Variants in DLG2 observed in about 807,000 individuals in gnomAD.
DLG2 encodes the protein disks large homolog 2.
A neutral mutation model predicts 132.5 loss-of-function variants in DLG2; 45 were observed. The observed-to-expected ratio is 0.34, with a 90% CI of 0.27 to 0.44. DLG2 has a LOEUF of 0.44. Ranked by LOEUF, DLG2 falls within the 20% of genes least tolerant of loss-of-function variation. The probability of loss-of-function intolerance (pLI) is 1.00; values close to 1 mark genes in which losing one functional copy is unlikely to be tolerated. For missense variants in DLG2, 1,045 were observed against 1,196.9 expected, an observed-to-expected ratio of 0.87 and a Z score of 1.87; for synonymous variants, 424 against 419.6, an observed-to-expected ratio of 1.01 and a Z score of -0.13.
chr11:83,655,065 C>T (rs2071931309), intron 18 of DLG2, among the ~76,000 whole-genome samples: 1 of 152,186 alleles, frequency 6.6e-6, no homozygotes, highest in Non-Finnish European at 1.5e-5. Flanking sequence ...ATGAGGTGCC[C>T]TCTGTGCTCC....
intron 19 of DLG2, among the ~76,000 whole-genome samples, chr11:83,556,838 G>C (rs930474808): frequency 7.2e-5 from 11 of 152,198 alleles, no homozygotes; most frequent in Non-Finnish European, 1.5e-5. Context: ...CCAGTGGAAG[G>C]CAAGCTGGGA....
chr11:85,131,375 A>T (rs2075696035), intron 5 of DLG2, among the ~76,000 whole-genome samples: 1 of 152,154 alleles, frequency 6.6e-6, no homozygotes, highest in Non-Finnish European at 1.5e-5. Context: ...ATAAAACACA[A>T]GTAGATCAGA....
At chr11:84,568,061 T>TACCAAA (rs2099464368) in intron 6 of DLG2, among the ~76,000 whole-genome samples, 10 of 152,170 alleles carry the variant, frequency 6.6e-5, no homozygotes, top group Non-Finnish European at 1.3e-4. Context: ...GGAAGGCCAC[T>TACCAAA]TTGGTTTTAC....
At chr11:85,425,345 A>G (rs2090630887) in intron 3 of DLG2, among the ~76,000 whole-genome samples, 1 of 152,234 alleles carries the variant, frequency 6.6e-6, no homozygotes. Context: ...TCATTTAAAT[A>G]CAGCAGAATA....
chr11:85,120,051 G>A (rs1594486292), intron 5 of DLG2, among the ~76,000 whole-genome samples: 1 of 152,048 alleles, frequency 6.6e-6, no homozygotes, highest in African/African-American at 2.4e-5. Flanking sequence ...ATTGGATAGT[G>A]TTTTCTGAAA....
intron 12 of DLG2, among the ~76,000 whole-genome samples, chr11:83,967,873 A>G (rs960214494): frequency 9.2e-5 from 14 of 152,238 alleles, no homozygotes; most frequent in African/African-American, 2.9e-4. Flanking sequence ...TAGGTCTTTT[A>G]GCCAAATTGA....
rs766325493 is a variant in DLG2, at chr11:83,874,501, A to G, written c.1497-13T>C. On this transcript the variant is annotated splice_polypyrimidine_tract_variant and intron_variant, in intron 15 of 27. Coordinates refer to ENST00000376104, the MANE Select transcript of DLG2 (RefSeq NM_001142699.3). Reference sequence around the variant, plus strand: ...ATGTTGGGAATGACTGCAAGAAAAGACAGAAGAAACACACATCATTTATTT... The same window carrying G: ...ATGTTGGGAATGACTGCAAGAAAAGGCAGAAGAAACACACATCATTTATTT... 2.5e-6 allele frequency: 4 copies of G among 1,584,548 alleles called. No homozygotes were observed. The highest frequency in any genetic ancestry group is 2.6e-6 in the Non-Finnish European group (3 of 1,162,308).
intron 6 of DLG2, among the ~76,000 whole-genome samples, chr11:84,831,303 C>T (rs2079029839): frequency 1.3e-5 from 2 of 151,550 alleles, no homozygotes; most frequent in Admixed American, 1.3e-4. Context: ...TCTATGTCAT[C>T]TCTTACGAAT....
intron 6 of DLG2, 36 bp downstream of exon 6, chr11:85,111,625 C>G: frequency 2.0e-6 from 3 of 1,489,136 alleles, no homozygotes; most frequent in Non-Finnish European, 2.7e-6. Context: ...AAACATTTAT[C>G]CTTCAATCTG....
intron 3 of DLG2, among the ~76,000 whole-genome samples, chr11:85,456,516 A>G (rs1000339474): frequency 6.6e-6 from 1 of 151,818 alleles, no homozygotes; most frequent in Non-Finnish European, 1.5e-5. Context: ...TAGCTTTGAG[A>G]TTGGTTTGCT....
At chr11:85,354,549 CA>C (rs1320164337) in intron 3 of DLG2, among the ~76,000 whole-genome samples, 2 of 151,932 alleles carry the variant, frequency 1.3e-5, no homozygotes, top group Non-Finnish European at 2.9e-5. Flanking sequence ...GGAGCCAATA[CA>C]TTTTTTTTTT....
intron 15 of DLG2, among the ~76,000 whole-genome samples, chr11:83,883,800 T>C (rs1327566907): frequency 7.0e-6 from 1 of 142,234 alleles, no homozygotes; most frequent in Non-Finnish European, 1.6e-5. Context: ...TATGAACATG[T>C]ATACAAAAAA....
intron 18 of DLG2, among the ~76,000 whole-genome samples, chr11:83,778,431 A>G (rs2094676458): frequency 6.6e-6 from 1 of 152,156 alleles, no homozygotes; most frequent in Admixed American, 6.6e-5. Context: ...ATGTCACTAA[A>G]TGTCAACATA....
chr11:85,341,286 T>C (rs1047376463), intron 3 of DLG2, among the ~76,000 whole-genome samples: 1 of 151,790 alleles, frequency 6.6e-6, no homozygotes, highest in African/African-American at 2.4e-5. Context: ...GCCTGGCTAA[T>C]TTTTTTTGTA....
intron 21 of DLG2, among the ~76,000 whole-genome samples, chr11:83,529,090 T>C (rs2095675579): frequency 6.6e-6 from 1 of 152,166 alleles, no homozygotes; most frequent in Admixed American, 6.6e-5. Flanking sequence ...GCTTTCACTC[T>C]GGGCTCCTCA....
chr11:85,618,391 G>T (rs2081479355), intron 2 of DLG2, among the ~76,000 whole-genome samples: 2 of 152,152 alleles, frequency 1.3e-5, no homozygotes, highest in African/African-American at 4.8e-5. Context: ...TATTCGTATA[G>T]TTCAGTAAAT....
chr11:84,310,100 A>T (rs2098271675), intron 7 of DLG2, among the ~76,000 whole-genome samples: 1 of 152,194 alleles, frequency 6.6e-6, no homozygotes, highest in South Asian at 2.1e-4. Context: ...AGGATTCTGC[A>T]GGGGAATGCC....
In DLG2 at chr11:84,138,882, G is replaced by A. The variant is rs112734622; in HGVS notation, c.624+24579C>T. On this transcript the variant is annotated intron_variant, in intron 9 of 27. Coordinates refer to ENST00000376104, the MANE Select transcript of DLG2 (RefSeq NM_001142699.3). ...GAGAATTGCTTGAACCCAAGAGGGGGAAGTTGCAATGAGCCGAGATCATGC... is the reference window on the plus strand; with the variant it reads ...GAGAATTGCTTGAACCCAAGAGGGGAAAGTTGCAATGAGCCGAGATCATGC... Among the ~76,000 whole-genome samples, 457 of 149,794 alleles carry A rather than the reference G, an allele frequency of 3.1e-3. 2 individuals carry two copies. The highest frequency in any genetic ancestry group is 0.011 in the African/African-American group (434 of 40,402).
intron 18 of DLG2, among the ~76,000 whole-genome samples, chr11:83,771,971 A>G (rs1343018149): frequency 6.6e-6 from 1 of 152,150 alleles, no homozygotes; most frequent in Non-Finnish European, 1.5e-5. Context: ...GATGCCAGTA[A>G]CCTCTTTAAA....
Sources: allele counts gnomAD v4.1 joint callset (sites outside exome capture counted in the v4.1 genomes callset), GRCh38; gene constraint gnomAD v4.1.1; transcripts MANE v1.5; gene names NCBI Gene and HGNC (gene_info 2026-07-23, HGNC 2026-07-21).